Variants in ZNF687 observed in about 807,000 individuals in gnomAD.
ZNF687 encodes the protein zinc finger protein 687.
In ZNF687, 13 loss-of-function variants were observed where a neutral mutation model predicts 71.8. The ratio of observed to expected loss-of-function variants is 0.18; its 90% CI spans 0.12 to 0.29. The LOEUF is 0.29. ZNF687 is among the 10% of genes least tolerant of loss of function. ZNF687 has a pLI of 1.00. For missense variants in ZNF687, 1,412 were observed against 1,625.6 expected (o/e 0.87, Z 2.26); for synonymous variants, 673 against 641.6 (o/e 1.05, Z -0.74).
Position 151,286,830 on chromosome 1 carries a change from C to T in ZNF687, c.539C>T (p.Ser180Phe). The T allele has an allele frequency of 6.2e-7, 1 of 1,614,210 alleles. No individual in the cohort carries two copies. Among genetic ancestry groups the T allele is most frequent in the South Asian group, 1.1e-5 (1 of 91,084 alleles). The change falls in exon 2 of 9, where the codon TCT becomes TTT. Residue 180 changes from serine (S) to phenylalanine (F), a missense_variant. Coordinates refer to ENST00000336715, the MANE Select transcript of ZNF687 (RefSeq NM_020832.3). ...PGDHSDPLPP[S>F]APSPTREGAL... ...GACCACTCAGATCCGCTGCCTCCCT[C>T]TGCACCCTCTCCCACTCGGGAGGGG...
At position 151,287,719 on chromosome 1, in the gene ZNF687, A is replaced by G; in HGVS notation, c.1428A>G (p.Ser476=). ...NGASVVMVQP[S]KTATGPSTGG... is the part of the protein sequence containing the mutation. ...CCTCGGTGGTGATGGTGCAACCTTCAAAGACAGCTACTGGGCCAAGTACAG... is the reference window on the plus strand; with the variant it reads ...CCTCGGTGGTGATGGTGCAACCTTCGAAGACAGCTACTGGGCCAAGTACAG... The change falls in exon 2 of 9, where the codon TCA becomes TCG. Residue 476 remains serine (S), a synonymous_variant. Transcript: ENST00000336715. The surrounding 1 kb of genome is among the most constrained non-coding windows in gnomAD (Gnocchi z 5.0). 1.2e-6 allele frequency: 2 copies of G among 1,613,830 alleles called. No homozygotes were observed. The highest frequency in any genetic ancestry group is 2.2e-5 in the East Asian group (1 of 44,874).
Position 151,291,136 on chromosome 1 carries a change from A to G in ZNF687, c.3641A>G (p.Asn1214Ser). Residue 1214 changes from asparagine (N) to serine (S), a missense_variant, in exon 9 of 9, where the codon AAC becomes AGC. Physicochemically the swap from Asn to Ser is conservative, Grantham distance 46. This residue lies in a region of ZNF687 where 284 missense variants were observed against 359.2 expected (regional missense o/e 0.79). Transcript: ENST00000336715. ...GGCAAGAGCTGCGACAGCCCTCTAAACCTCAAGACCCACTTCCGCACGCAT... is the reference window on the plus strand; with the variant it reads ...GGCAAGAGCTGCGACAGCCCTCTAAGCCTCAAGACCCACTTCCGCACGCAT... ...VCGKSCDSPL[N>S]LKTHFRTHGM... The G allele has an allele frequency of 6.2e-7, 1 of 1,613,038 alleles. No individual in the cohort carries two copies.
rs1694227540 is a variant in ZNF687, at chr1:151,291,128, C to T, written c.3633C>T (p.Ser1211=). ...AGGTCTGTGGCAAGAGCTGCGACAG[C>T]CCTCTAAACCTCAAGACCCACTTCC... ...TCKVCGKSCD[S]PLNLKTHFRT... is the part of the protein sequence containing the mutation. Residue 1211 remains serine, a synonymous_variant, in exon 9 of 9, where the codon AGC becomes AGT. Transcript: ENST00000336715. 1 of 1,613,278 alleles carries T rather than the reference C, an allele frequency of 6.2e-7. No homozygotes were observed. The highest frequency in any genetic ancestry group is 2.2e-5 in the East Asian group (1 of 44,848).
rs758223153 is a variant in ZNF687, at chr1:151,291,154, G to A, written c.3659G>A (p.Arg1220His). 7 of 1,612,982 alleles carry A rather than the reference G, an allele frequency of 4.3e-6. No individual in the cohort carries two copies. The highest frequency in any genetic ancestry group is 2.2e-5 in the East Asian group (1 of 44,862). ...CCTCTAAACCTCAAGACCCACTTCC[G>A]CACGCATGGCATGGCGTTCATCAGG... ...DSPLNLKTHFRTHGMAFIRAR... is the reference protein window; with the variant it reads ...DSPLNLKTHFHTHGMAFIRAR... The change falls in exon 9 of 9, where the codon CGC becomes CAC. Residue 1220 changes from arginine (R) to histidine (H), a missense_variant. By Grantham distance (29) the Arg-to-His change is conservative (BLOSUM62 0). Transcript: ENST00000336715.
At position 151,286,424 on chromosome 1, in the gene ZNF687, C is replaced by G. The variant is rs376227279; in HGVS notation, c.133C>G (p.Pro45Ala). 4 of 1,613,624 alleles carry G rather than the reference C, an allele frequency of 2.5e-6. No homozygotes were observed. In the African/African-American group the frequency reaches 5.3e-5, roughly 22 times the overall value. The part of the protein sequence containing the change: ...EGPGGPGKPE[P>A]GVGSESEDTA... Reference sequence around the variant, plus strand: ...GCCTGGAGGCCCAGGGAAGCCAGAACCAGGTGTAGGAAGTGAATCTGAAGA... The same window carrying G: ...GCCTGGAGGCCCAGGGAAGCCAGAAGCAGGTGTAGGAAGTGAATCTGAAGA... Residue 45 changes from proline to alanine, a missense_variant, in exon 2 of 9, where the codon CCA (proline) becomes GCA (alanine). By Grantham distance (27) the Pro-to-Ala change is conservative (BLOSUM62 -1). Transcript: ENST00000336715.
chr1:151,287,390 G>A lies in ZNF687; in HGVS notation c.1099G>A (p.Glu367Lys), dbSNP rs1693998615. Residue 367 changes from glutamate (E) to lysine (K), a missense_variant, in exon 2 of 9, where the codon GAG becomes AAG. Physicochemically the swap from Glu to Lys is moderately conservative, Grantham distance 56 (BLOSUM62 1). Coordinates refer to ENST00000336715, the MANE Select transcript of ZNF687 (RefSeq NM_020832.3). This position sits in a 1 kb window ranked among gnomAD's most constrained non-coding sequence, Gnocchi z 5.0. ...APLAEGAFLA[E>K]ASLLKLSPAT... ...CTTGGCTGAGGGGGCCTTCTTGGCT[G>A]AGGCTAGCCTCTTGAAGCTGTCCCC... 1.2e-6 allele frequency: 2 copies of A among 1,614,100 alleles called. No individual in the cohort carries two copies. Among genetic ancestry groups the A allele is most frequent in the South Asian group, 1.1e-5 (1 of 91,086 alleles).
At chr1:151,285,094 C>G (rs1287454742) in intron 1 of ZNF687, 1 of 152,146 alleles carries the variant, frequency 6.6e-6, no homozygotes, top group Non-Finnish European at 1.5e-5. Flanking sequence ...CTCTTTCAAA[C>G]AGCAAAAGTA....
chr1:151,287,808 ACAG>A lies in ZNF687; in HGVS notation c.1520_1522del (p.Ser507del). The A allele has an allele frequency of 6.2e-7, 1 of 1,614,064 alleles. No individual in the cohort carries two copies. Among genetic ancestry groups the A allele is most frequent in the Non-Finnish European group, 8.5e-7 (1 of 1,180,010 alleles). On this transcript the variant is annotated inframe_deletion, in exon 2 of 9. Transcript: ENST00000336715. This position sits in a 1 kb window ranked among gnomAD's most constrained non-coding sequence, Gnocchi z 5.0. ...GTGGAGGCCTTCAACAAGATCCTCA[ACAG>A]CAAGAACCTGCTCCCTGCCTATAGG...
In ZNF687 at chr1:151,291,376, A is replaced by G. The variant is rs1024811123; in HGVS notation, c.*167A>G. 1.6e-5 allele frequency: 16 copies of G among 978,788 alleles called. No individual in the cohort carries two copies. The Admixed American group carries it at 2.4e-4, about 15-fold the overall frequency. The allele number at this position is 978,788 out of a possible 1,614,324, so 60.6% of individuals were successfully genotyped here. On this transcript the variant is annotated 3_prime_UTR_variant, in exon 9 of 9. Transcript: ENST00000336715. Reference sequence around the variant, plus strand: ...TTGAGGATTATTCTAGTTATTTGCAACCTCCCTTTGGGTTTGGCCCTGGAG... The same window carrying G: ...TTGAGGATTATTCTAGTTATTTGCAGCCTCCCTTTGGGTTTGGCCCTGGAG...
Position 151,291,291 on chromosome 1 carries a change from T to G in ZNF687, c.*82T>G, listed in dbSNP as rs1010506673. On this transcript the variant is annotated 3_prime_UTR_variant, in exon 9 of 9. Transcript: ENST00000336715. The stretch of plus-strand genomic sequence containing the variant: ...GCTGCCTGATCCCTCGGCTGGGGAG[T>G]TTTCATTAACATTAATATTTTGTTA... The G allele has an allele frequency of 2.0e-6, 3 of 1,486,522 alleles. No individual in the cohort carries two copies. The Admixed American group carries it at 6.9e-5, about 34-fold the overall frequency. 92.1% of individuals were successfully genotyped at this position (1,486,522 alleles called of 1,614,324 possible). A position where few individuals can be genotyped will look rare whatever the true frequency, so the allele number is the denominator to read the frequency against.
At position 151,287,634 on chromosome 1, in the gene ZNF687, C is replaced by A; in HGVS notation, c.1343C>A (p.Ala448Asp). The A allele has an allele frequency of 6.2e-7, 1 of 1,613,200 alleles. No individual in the cohort carries two copies. Among genetic ancestry groups the A allele is most frequent in the African/African-American group, 1.3e-5 (1 of 75,000 alleles). The change falls in exon 2 of 9, where the codon GCC becomes GAC. Residue 448 changes from alanine (A) to aspartate (D), a missense_variant. Transcript: ENST00000336715. This position sits in a 1 kb window ranked among gnomAD's most constrained non-coding sequence, Gnocchi z 5.0. ...AKNVLGLVPQ[A>D]LPKADGRAGL... Reference sequence around the variant, plus strand: ...AACGTGCTAGGCCTGGTGCCCCAAGCCCTGCCTAAGGCTGACGGGCGGGCA... The same window carrying A: ...AACGTGCTAGGCCTGGTGCCCCAAGACCTGCCTAAGGCTGACGGGCGGGCA...
rs773251030 is a variant in ZNF687 at position 151,287,470 on chromosome 1, T to C, written c.1179T>C (p.Gly393=). Residue 393 remains glycine, a synonymous_variant, in exon 2 of 9, where the codon GGT becomes GGC. Transcript: ENST00000336715. This position sits in a 1 kb window ranked among gnomAD's most constrained non-coding sequence, Gnocchi z 5.0. ...PKVVSVQLGD[G]TRLKGTVLPV... is the part of the protein sequence containing the mutation. ...TGGTGAGCGTACAGTTGGGTGATGG[T>C]ACAAGGCTGAAAGGCACTGTGCTGC... 3.7e-6 allele frequency: 6 copies of C among 1,614,108 alleles called. No individual in the cohort carries two copies. Among genetic ancestry groups the C allele is most frequent in the Non-Finnish European group, 4.2e-6 (5 of 1,180,020 alleles).
upstream of ZNF687, chr1:151,281,876 C>T (rs1227703453): frequency 2.8e-5 from 14 of 497,822 alleles, no homozygotes; most frequent in Non-Finnish European, 4.7e-5. Flanking sequence ...AGCTGGGTTC[C>T]TTACATTCGC....
At chr1:151,286,093 T>G (rs1693933513) in intron 1 of ZNF687, 182 bp from the exon 2 acceptor site, 3 of 474,532 alleles carry the variant, frequency 6.3e-6, no homozygotes, top group African/African-American at 6.0e-5. Context: ...ACTAATCCTC[T>G]TCTGATTTTA....
chr1:151,290,339 GTCTCCCT>G (rs1557774699), intron 7 of ZNF687, 86 bp from the exon 8 acceptor site: 1 of 1,610,592 alleles, frequency 6.2e-7, no homozygotes, highest in Middle Eastern at 1.7e-4. Context: ...GATGGTTGGG[GTCTCCCT>G]CTGCTCTGGC....
At chr1:151,289,316 G>A in intron 4 of ZNF687, 45 bp downstream of exon 4, 1 of 1,612,730 alleles carries the variant, frequency 6.2e-7, no homozygotes, top group Non-Finnish European at 8.5e-7. Flanking sequence ...AGGGCTGGTG[G>A]GGCGCAGGAG....
At chr1:151,290,670 C>T (rs1202781072) in intron 8 of ZNF687, 45 bp from the exon 9 acceptor site, 13 of 1,580,226 alleles carry the variant, frequency 8.2e-6, no homozygotes, top group South Asian at 3.5e-5. Flanking sequence ...GTGCCAGGGA[C>T]AGTAGGGGTG....
At chr1:151,283,618 T>G (rs1373214436) in intron 1 of ZNF687, among the ~76,000 whole-genome samples, 1 of 152,176 alleles carries the variant, frequency 6.6e-6, no homozygotes, top group African/African-American at 2.4e-5. Context: ...TAGTCCCCGC[T>G]GGTCTTCGTT....
chr1:151,287,105 C>T lies in ZNF687; in HGVS notation c.814C>T (p.Pro272Ser), dbSNP rs761350458. 1.2e-5 allele frequency: 20 copies of T among 1,614,086 alleles called. No individual in the cohort carries two copies. In the East Asian group the frequency reaches 2.2e-4, roughly 18 times the overall value. Residue 272 changes from proline (P) to serine (S), a missense_variant, in exon 2 of 9, where the codon CCT becomes TCT. Transcript: ENST00000336715. The surrounding 1 kb of genome is among the most constrained non-coding windows in gnomAD (Gnocchi z 5.0). ...FFKQSPGHQS[P>S]LASPKVPVCQ... ...CAAGCAGTCTCCAGGGCACCAGAGC[C>T]CTCTTGCCTCCCCCAAAGTGCCCGT...
Sources: allele counts gnomAD v4.1 joint callset (sites outside exome capture counted in the v4.1 genomes callset), GRCh38; gene constraint gnomAD v4.1.1; regional missense constraint gnomAD v4.1.1; non-coding constraint Gnocchi (gnomAD v3.1); transcripts MANE v1.5; gene names NCBI Gene and HGNC (gene_info 2026-07-23, HGNC 2026-07-21).